Variants in RIC1 observed in about 807,000 individuals in gnomAD.
The protein encoded by RIC1 is RIC1 partner of RAB6A GEF complex.
Under a neutral mutation model 169.0 loss-of-function variants are expected in RIC1, and 88 were observed. The ratio of observed to expected loss-of-function variants is 0.52; its 90% CI spans 0.44 to 0.62. The LOEUF (loss-of-function observed/expected upper bound fraction) is 0.62. Ranked by LOEUF, RIC1 falls within the 20% of genes least tolerant of loss-of-function variation. The pLI, the probability that RIC1 is intolerant of heterozygous loss-of-function variation, is 0.00. For missense variants in RIC1, 1,877 were observed against 1,725.5 expected (o/e 1.09, Z -1.56); for synonymous variants, 790 against 601.5 (o/e 1.31, Z -4.59).
intron 17 of RIC1, among the ~76,000 whole-genome samples, chr9:5,759,298 A>C (rs1327923106): frequency 6.6e-6 from 1 of 152,220 alleles, no homozygotes; most frequent in African/African-American, 2.4e-5. Flanking sequence ...TATAACATGA[A>C]GTTCACAAGA....
intron 6 of RIC1, among the ~76,000 whole-genome samples, chr9:5,730,727 T>A (rs975742541): frequency 6.6e-6 from 1 of 152,184 alleles, no homozygotes; most frequent in African/African-American, 2.4e-5. Flanking sequence ...TATTGAGATG[T>A]ACATTTCATT....
intron 2 of RIC1, among the ~76,000 whole-genome samples, chr9:5,664,617 T>TA (rs771640562): frequency 2.0e-5 from 3 of 152,148 alleles, no homozygotes; most frequent in Non-Finnish European, 4.4e-5. Flanking sequence ...GGGAATATCT[T>TA]ACTGAGGTTT....
chr9:5,656,178 T>C (rs1450026313), intron 1 of RIC1, among the ~76,000 whole-genome samples: 1 of 152,168 alleles, frequency 6.6e-6, no homozygotes, highest in Non-Finnish European at 1.5e-5. Flanking sequence ...CCTGTAGTTT[T>C]CTTTTCATGT....
Position 5,683,520 on chromosome 9 carries a change from G to A in RIC1, c.253-6439G>A, listed in dbSNP as rs191838926. On this transcript the variant is annotated intron_variant, in intron 2 of 25. Coordinates refer to ENST00000414202, the MANE Select transcript of RIC1 (RefSeq NM_020829.4). ...GTTGCTCTGGAAGTTTTGTCTCAGA[G>A]GAGTACCCGGCCGTGTGAAGTGTCA... Among the ~76,000 whole-genome samples the A allele has an allele frequency of 1.5e-4, 23 of 152,266 alleles. No individual in the cohort carries two copies. In the East Asian group the frequency reaches 2.7e-3, roughly 18 times the overall value.
At chr9:5,704,552 A>G (rs1822441550) in intron 3 of RIC1, among the ~76,000 whole-genome samples, 1 of 152,106 alleles carries the variant, frequency 6.6e-6, no homozygotes, top group Admixed American at 6.5e-5. Flanking sequence ...TTTGAGTTAT[A>G]AGAATTATTT....
intron 7 of RIC1, among the ~76,000 whole-genome samples, chr9:5,736,260 A>G (rs1824697778): frequency 6.6e-6 from 1 of 152,210 alleles, no homozygotes; most frequent in African/African-American, 2.4e-5. Context: ...TAGTCTGGAA[A>G]GAAATCTTTT....
chr9:5,777,534 T>G (rs976784511), downstream of RIC1, among the ~76,000 whole-genome samples: 3 of 152,132 alleles, frequency 2.0e-5, no homozygotes, highest in East Asian at 1.9e-4. Context: ...TTTGAAACAC[T>G]GTTTTTAAGT....
intron 1 of RIC1, among the ~76,000 whole-genome samples, chr9:5,643,420 G>C (rs1818346736): frequency 6.6e-6 from 1 of 152,044 alleles, no homozygotes; most frequent in Non-Finnish European, 1.5e-5. Flanking sequence ...GAACTACAGA[G>C]TAGTTTGAGC....
intron 3 of RIC1, among the ~76,000 whole-genome samples, chr9:5,702,422 A>C (rs984573858): frequency 6.6e-6 from 1 of 152,248 alleles, no homozygotes; most frequent in Non-Finnish European, 1.5e-5. Context: ...CAGTCATGAC[A>C]GAAGGAGAAG....
At chr9:5,660,572 G>C (rs181244595) in intron 2 of RIC1, among the ~76,000 whole-genome samples, 1 of 152,138 alleles carries the variant, frequency 6.6e-6, no homozygotes, top group South Asian at 2.1e-4. Flanking sequence ...GTATCTCATT[G>C]TGGTTTTGAC....
Position 5,691,038 on chromosome 9 carries a change from A to G in RIC1, c.332+1000A>G, listed in dbSNP as rs1452316599. ...AATTATTACTGCTCGCAGAGGTATA[A>G]TAAAAGTTGTGTTGCACACTTCTGA... On this transcript the variant is annotated intron_variant, in intron 3 of 25. Transcript: ENST00000414202. 2.0e-5 allele frequency among the ~76,000 whole-genome samples: 3 copies of G among 152,002 alleles called. No homozygotes were observed. In the East Asian group the frequency reaches 5.8e-4, roughly 29 times the overall value.
intron 13 of RIC1, 46 bp downstream of exon 13, chr9:5,753,284 G>C: frequency 1.3e-6 from 2 of 1,543,038 alleles, no homozygotes; most frequent in Non-Finnish European, 1.8e-6. Context: ...ACTAGCATTT[G>C]CTGCAAGAGG....
intron 1 of RIC1, among the ~76,000 whole-genome samples, chr9:5,630,719 T>C (rs534764724): frequency 6.6e-6 from 1 of 152,358 alleles, no homozygotes; most frequent in Non-Finnish European, 1.5e-5. Flanking sequence ...CTATTTTGTC[T>C]AGTGCCTGAT....
chr9:5,638,832 T>G (rs1363936026), intron 1 of RIC1, among the ~76,000 whole-genome samples: 30 of 152,210 alleles, frequency 2.0e-4, no homozygotes, highest in Admixed American at 2.0e-3. Flanking sequence ...TGCTCCATCT[T>G]TATTATTTCT....
intron 6 of RIC1, among the ~76,000 whole-genome samples, chr9:5,722,705 C>T (rs377393745): frequency 6.6e-5 from 10 of 152,210 alleles, no homozygotes; most frequent in South Asian, 2.1e-4. Context: ...ATCCCTCCCC[C>T]CCTCGCCCCA....
intron 6 of RIC1, among the ~76,000 whole-genome samples, chr9:5,729,557 T>C (rs2130913096): frequency 6.6e-6 from 1 of 152,328 alleles, no homozygotes; most frequent in South Asian, 2.1e-4. Context: ...TTTGCTGCTT[T>C]ATGTTTTTTT....
chr9:5,770,394 G>T (rs1586731624), intron 23 of RIC1, 116 bp downstream of exon 23: 2 of 919,744 alleles, frequency 2.2e-6, no homozygotes, highest in East Asian at 2.6e-5. Context: ...TTAACCATTT[G>T]TATCCACTGG....
At chr9:5,654,348 G>C (rs767428496) in intron 1 of RIC1, among the ~76,000 whole-genome samples, 3 of 152,142 alleles carry the variant, frequency 2.0e-5, no homozygotes, top group African/African-American at 4.8e-5. Flanking sequence ...CCGGGTTCAA[G>C]CGATTCTCCT....
intron 6 of RIC1, among the ~76,000 whole-genome samples, chr9:5,724,180 C>T (rs1348847553): frequency 1.3e-5 from 2 of 152,154 alleles, no homozygotes; most frequent in Non-Finnish European, 2.9e-5. Flanking sequence ...ATTGATTCTT[C>T]CTATCCATGA....
Sources: gnomAD v4.1 joint callset for allele counts (sites outside exome capture counted in the v4.1 genomes callset) on GRCh38, gnomAD v4.1.1 for gene constraint, MANE v1.5 for transcripts, NCBI Gene and HGNC (gene_info 2026-07-23, HGNC 2026-07-21) for gene names.